ZNF536: variants seen among roughly 807,000 people sequenced by gnomAD.
ZNF536 encodes the protein zinc finger protein 536.
Under a neutral mutation model 84.5 loss-of-function variants are expected in ZNF536, and 13 were observed. The ratio of observed to expected loss-of-function variants is 0.15; its 90% CI spans 0.10 to 0.24. ZNF536 has a LOEUF of 0.24. Among genes scored for constraint, ZNF536 ranks in the 10% least tolerant of loss-of-function variants. The pLI, the probability that ZNF536 is intolerant of heterozygous loss-of-function variation, is 1.00. For missense variants in ZNF536, 1,536 were observed against 1,747.5 expected (o/e 0.88, Z 2.16); for synonymous variants, 811 against 742.5 (o/e 1.09, Z -1.50).
intron 4 of ZNF536, 143 bp downstream of exon 4, chr19:30,549,657 G>A (rs145111625): frequency 3.0e-5 from 28 of 929,162 alleles, no homozygotes; most frequent in Non-Finnish European, 4.2e-5. Context: ...TATCTGCAAT[G>A]TAGACAATCA....
chr19:30,705,864 T>C (rs2052206177), intron 1 of ZNF536, among the ~76,000 whole-genome samples: 1 of 152,244 alleles, frequency 6.6e-6, no homozygotes. Context: ...TTTTGACCAG[T>C]GAAGTATCCA....
chr19:30,547,886 T>C (rs1010280105), intron 3 of ZNF536, 57 bp from the exon 4 acceptor site: 3 of 1,506,806 alleles, frequency 2.0e-6, no homozygotes, highest in Admixed American at 2.4e-5. Flanking sequence ...CCAGCCTCGT[T>C]CAGCACACCA....
intron 2 of ZNF536, among the ~76,000 whole-genome samples, chr19:30,519,845 A>T (rs1250364059): frequency 2.0e-5 from 3 of 152,224 alleles, no homozygotes; most frequent in African/African-American, 7.2e-5. Flanking sequence ...AACAGACCCC[A>T]TCCCAGCCTT....
intron 1 of ZNF536, among the ~76,000 whole-genome samples, chr19:30,581,332 C>T (rs2046912850): frequency 6.6e-6 from 1 of 152,062 alleles, no homozygotes; most frequent in Non-Finnish European, 1.5e-5. Context: ...CAAAAATTAG[C>T]TGGGCATGGT....
rs528756190 is a variant in ZNF536 at position 30,438,062 on chromosome 19, C to T, written c.-2-5499C>T. Among the ~76,000 whole-genome samples the T allele has an allele frequency of 1.6e-3, 248 of 152,258 alleles. 1 individual carries two copies. Among genetic ancestry groups the T allele is most frequent in the Non-Finnish European group, 2.5e-3 (169 of 68,032 alleles). Reference sequence around the variant, plus strand: ...TGCCCAGTTGCCTTAAGCCCAGGATCATGGCCTGCCCTCTGCTGGCCCCTG... The same window carrying T: ...TGCCCAGTTGCCTTAAGCCCAGGATTATGGCCTGCCCTCTGCTGGCCCCTG... On this transcript the variant is annotated intron_variant, in intron 1 of 4. Coordinates refer to ENST00000355537, the MANE Select transcript of ZNF536 (RefSeq NM_014717.3).
At chr19:30,498,233 A>T (rs939702955) in intron 2 of ZNF536, among the ~76,000 whole-genome samples, 2 of 152,266 alleles carry the variant, frequency 1.3e-5, no homozygotes, top group Non-Finnish European at 2.9e-5. Flanking sequence ...TGTGGCACAT[A>T]TACAGCATGG....
At chr19:30,596,139 A>G (rs2080697273) in intron 1 of ZNF536, among the ~76,000 whole-genome samples, 3 of 152,202 alleles carry the variant, frequency 2.0e-5, no homozygotes, top group Admixed American at 2.0e-4. Flanking sequence ...TGGCAGAGCT[A>G]TTTTGGGCAA....
At chr19:30,238,672 A>G (rs911510925) in intron 1 of ZNF536, among the ~76,000 whole-genome samples, 2 of 151,210 alleles carry the variant, frequency 1.3e-5, no homozygotes, top group African/African-American at 2.4e-5. Flanking sequence ...CTCTCTATCT[A>G]TCTGTCTGTC....
intron 1 of ZNF536, among the ~76,000 whole-genome samples, chr19:30,593,401 G>A (rs953890810): frequency 6.6e-6 from 1 of 152,108 alleles, no homozygotes; most frequent in Non-Finnish European, 1.5e-5. Context: ...GAAGAGATTT[G>A]GGGCAGGTTC....
At chr19:30,293,753 G>T (rs1018614618) in intron 2 of ZNF536, among the ~76,000 whole-genome samples, 4 of 152,186 alleles carry the variant, frequency 2.6e-5, no homozygotes, top group Non-Finnish European at 5.9e-5. Context: ...AAGAAAGACA[G>T]AAATGACTTT....
At chr19:30,470,979 C>T (rs57171705) in intron 2 of ZNF536, among the ~76,000 whole-genome samples, 9,420 of 142,686 alleles carry the variant, frequency 0.066, 824 homozygotes, top group African/African-American at 0.22. Context: ...TGAGCCACTG[C>T]GCCCGGCCTT....
At chr19:30,531,384 C>G (rs1267853756) in intron 2 of ZNF536, among the ~76,000 whole-genome samples, 3 of 151,868 alleles carry the variant, frequency 2.0e-5, no homozygotes, top group African/African-American at 4.8e-5. Context: ...CAAGTCCTTC[C>G]CAAAAGCTCC....
intron 1 of ZNF536, among the ~76,000 whole-genome samples, chr19:30,661,745 A>T (rs1189450058): frequency 6.6e-5 from 10 of 152,266 alleles, no homozygotes; most frequent in Admixed American, 6.5e-4. Context: ...CCATGTAGCT[A>T]TAAAATTATA....
intron 2 of ZNF536, among the ~76,000 whole-genome samples, chr19:30,530,967 G>A (rs2044787084): frequency 1.3e-5 from 2 of 152,160 alleles, no homozygotes; most frequent in South Asian, 4.1e-4. Context: ...TGCCCTGCGG[G>A]TGTCCTGCCA....
intron 1 of ZNF536, among the ~76,000 whole-genome samples, chr19:30,617,366 T>TTTTTTTTTTTTA (rs869281886): frequency 1.3e-4 from 15 of 115,914 alleles, no homozygotes; most frequent in Non-Finnish European, 2.3e-4. Flanking sequence ...TTTTTTTTTT[T>TTTTTTTTTTTTA]ATGAGATGGA....
intron 2 of ZNF536, among the ~76,000 whole-genome samples, chr19:30,529,294 AATC>A (rs1461263260): frequency 4.6e-5 from 7 of 152,200 alleles, no homozygotes; most frequent in African/African-American, 1.7e-4. Flanking sequence ...CATCCATTCA[AATC>A]ATGTTTGTAT....
At chr19:30,500,990 T>A (rs1179961668) in intron 2 of ZNF536, among the ~76,000 whole-genome samples, 2 of 152,190 alleles carry the variant, frequency 1.3e-5, no homozygotes, top group Non-Finnish European at 2.9e-5. Flanking sequence ...TGGGCATTGT[T>A]CAGGATTGGA....
chr19:30,389,125 A>AC (rs1374651381), intron 1 of ZNF536, among the ~76,000 whole-genome samples: 7 of 151,694 alleles, frequency 4.6e-5, no homozygotes, highest in Non-Finnish European at 8.8e-5. Flanking sequence ...TGGGTGTGGG[A>AC]CCCCCCTAGT....
chr19:30,369,923 G>A (rs13345374), upstream of ZNF536, among the ~76,000 whole-genome samples: 1 of 152,118 alleles, frequency 6.6e-6, no homozygotes, highest in Admixed American at 6.5e-5. Flanking sequence ...GGATAATTTA[G>A]CTAGCTCCTG....
Sources: gnomAD v4.1 joint callset for allele counts (sites outside exome capture counted in the v4.1 genomes callset) on GRCh38, gnomAD v4.1.1 for gene constraint, MANE v1.5 for transcripts, NCBI Gene and HGNC (gene_info 2026-07-23, HGNC 2026-07-21) for gene names.